ROBO1: variants seen among roughly 807,000 people sequenced by gnomAD.
ROBO1 encodes roundabout homolog 1.
Under a neutral mutation model 195.9 loss-of-function variants are expected in ROBO1, and 149 were observed. The ratio of observed to expected loss-of-function variants is 0.76; its 90% CI spans 0.67 to 0.87. The LOEUF (loss-of-function observed/expected upper bound fraction) is 0.87. Ranked by LOEUF, ROBO1 falls within the 40% of genes least tolerant of loss-of-function variation. The pLI is 0.00. For missense variants in ROBO1, 1,933 were observed against 2,068.3 expected, an observed-to-expected ratio of 0.93 and a Z score of 1.27; for synonymous variants, 816 against 733.2, an observed-to-expected ratio of 1.11 and a Z score of -1.82.
chr3:79,381,793 GTA>G (rs1038124747), intron 2 of ROBO1, among the ~76,000 whole-genome samples: 1 of 151,436 alleles, frequency 6.6e-6, no homozygotes, highest in African/African-American at 2.4e-5. Flanking sequence ...TAATATGTAG[GTA>G]TATATATATA....
chr3:79,552,484 A>G (rs1183576008), intron 2 of ROBO1, among the ~76,000 whole-genome samples: 1 of 152,094 alleles, frequency 6.6e-6, no homozygotes, highest in Non-Finnish European at 1.5e-5. Flanking sequence ...GAAGACTTTC[A>G]TGAAACTGAG....
intron 2 of ROBO1, among the ~76,000 whole-genome samples, chr3:79,367,207 AT>A (rs769443793): frequency 1.1e-4 from 17 of 150,202 alleles, no homozygotes; most frequent in East Asian, 2.0e-4. Context: ...ATAGTATGTT[AT>A]TTTTTTTTTC....
At chr3:79,071,443 C>T (rs1387979864) in intron 3 of ROBO1, among the ~76,000 whole-genome samples, 1 of 151,174 alleles carries the variant, frequency 6.6e-6, no homozygotes, top group African/African-American at 2.4e-5. Context: ...AAGTTATGAC[C>T]CATTCAAGAT....
rs528523925 is a variant in ROBO1 at position 79,045,339 on chromosome 3, T to C, written c.172+80117A>G. On this transcript the variant is annotated intron_variant, in intron 3 of 30. Transcript: ENST00000464233. The stretch of plus-strand genomic sequence containing the variant: ...ATGAACTATACATTAAAGTTTTTCT[T>C]AAAAAAGCTAGTGAAAATAAAGAAG... Among the ~76,000 whole-genome samples, 61 of 152,170 alleles carry C rather than the reference T, an allele frequency of 4.0e-4. No individual in the cohort carries two copies. The South Asian group carries it at 9.9e-3, about 25-fold the overall frequency.
chr3:79,268,495 C>T (rs1389579831), intron 2 of ROBO1, among the ~76,000 whole-genome samples: 2 of 151,596 alleles, frequency 1.3e-5, no homozygotes, highest in East Asian at 3.9e-4. Flanking sequence ...CATCAGCCTC[C>T]CTGATAGACT....
At chr3:78,678,038 C>G (rs921593912) in intron 10 of ROBO1, among the ~76,000 whole-genome samples, 12 of 152,234 alleles carry the variant, frequency 7.9e-5, no homozygotes, top group Admixed American at 2.6e-4. Flanking sequence ...AACCGCTCAA[C>G]TACATGGAAA....
chr3:79,709,690 T>C (rs376579013), intron 1 of ROBO1, among the ~76,000 whole-genome samples: 2 of 150,960 alleles, frequency 1.3e-5, no homozygotes, highest in Admixed American at 6.6e-5. Context: ...ATGCTCTCAA[T>C]GTTTGTGTCC....
chr3:79,259,226 C>A (rs1402131521), intron 2 of ROBO1, among the ~76,000 whole-genome samples: 1 of 152,122 alleles, frequency 6.6e-6, no homozygotes, highest in African/African-American at 2.4e-5. Context: ...TTCACAGCAA[C>A]TTCCGCCTCC....
Position 79,712,712 on chromosome 3 carries a change from A to T in ROBO1, c.-51+55040T>A, listed in dbSNP as rs73849822. Among the ~76,000 whole-genome samples the T allele has an allele frequency of 8.8e-3, 1,332 of 152,210 alleles. 14 individuals are homozygous for T. Among genetic ancestry groups the T allele is most frequent in the African/African-American group, 0.031 (1,281 of 41,536 alleles). On this transcript the variant is annotated intron_variant, in intron 1 of 30. Coordinates refer to ENST00000464233, the MANE Select transcript of ROBO1 (RefSeq NM_002941.4). ...AAAAAAAATGTCATCTAGGACTTTC[A>T]TAGCTAGAGAAGATGAGTCAATAAC...
chr3:79,276,071 G>A (rs1355045225), intron 2 of ROBO1, among the ~76,000 whole-genome samples: 1 of 151,910 alleles, frequency 6.6e-6, no homozygotes, highest in Non-Finnish European at 1.5e-5. Context: ...CAGATTCAAT[G>A]CAATCCCTAT....
At chr3:79,207,023 C>A (rs1300094037) in intron 2 of ROBO1, among the ~76,000 whole-genome samples, 1 of 152,022 alleles carries the variant, frequency 6.6e-6, no homozygotes, top group Admixed American at 6.6e-5. Flanking sequence ...ATGTGAAGTG[C>A]ATTTGCATGA....
At chr3:79,003,570 T>C (rs148069430) in intron 3 of ROBO1, among the ~76,000 whole-genome samples, 23 of 152,230 alleles carry the variant, frequency 1.5e-4, no homozygotes, top group Non-Finnish European at 2.9e-4. Flanking sequence ...GATACTCATA[T>C]TATCTCAATT....
chr3:79,344,816 A>T (rs748359739), intron 2 of ROBO1, among the ~76,000 whole-genome samples: 1 of 152,078 alleles, frequency 6.6e-6, no homozygotes, highest in African/African-American at 2.4e-5. Flanking sequence ...GGAGGGAAGC[A>T]TTTGGACTCT....
chr3:78,932,178 T>G (rs183416033), intron 4 of ROBO1, among the ~76,000 whole-genome samples: 1 of 151,866 alleles, frequency 6.6e-6, no homozygotes, highest in East Asian at 1.9e-4. Context: ...TTAAAAAGAG[T>G]GATCTGATGA....
At chr3:79,498,266 G>A (rs1172126694) in intron 2 of ROBO1, among the ~76,000 whole-genome samples, 3 of 152,048 alleles carry the variant, frequency 2.0e-5, no homozygotes, top group Non-Finnish European at 4.4e-5. Context: ...ACATATTGAT[G>A]TAGATCGATT....
intron 3 of ROBO1, among the ~76,000 whole-genome samples, chr3:79,123,262 A>C (rs1336340186): frequency 6.6e-6 from 1 of 151,988 alleles, no homozygotes; most frequent in Non-Finnish European, 1.5e-5. Flanking sequence ...ATTTTCTCTA[A>C]TATAAAGGTT....
intron 1 of ROBO1, among the ~76,000 whole-genome samples, chr3:79,634,362 A>C (rs1199569512): frequency 1.3e-5 from 2 of 152,136 alleles, no homozygotes; most frequent in Non-Finnish European, 2.9e-5. Flanking sequence ...GATGAGGGGG[A>C]GATGAGACAT....
rs111415860 is a variant in ROBO1, at chr3:79,149,973, T to C, written c.89-24434A>G. Among the ~76,000 whole-genome samples, 328 of 151,870 alleles carry C rather than the reference T, an allele frequency of 2.2e-3. 3 individuals are homozygous for C. The highest frequency in any genetic ancestry group is 7.5e-3 in the African/African-American group (312 of 41,496). On this transcript the variant is annotated intron_variant, in intron 2 of 30. Coordinates refer to ENST00000464233, the MANE Select transcript of ROBO1 (RefSeq NM_002941.4). ...AGGGGAATTTCCTATAGTGAGGACC[T>C]GGTAAAGCTCCTGGAGGTAAAAATC...
intron 2 of ROBO1, among the ~76,000 whole-genome samples, chr3:79,198,509 T>G (rs886583824): frequency 3.3e-5 from 5 of 152,084 alleles, no homozygotes; most frequent in African/African-American, 1.2e-4. Context: ...TAGGATTGTC[T>G]TGGCTATGAG....
Sources: gnomAD v4.1 joint callset for allele counts (sites outside exome capture counted in the v4.1 genomes callset) on GRCh38, gnomAD v4.1.1 for gene constraint, MANE v1.5 for transcripts, NCBI Gene and HGNC (gene_info 2026-07-23, HGNC 2026-07-21) for gene names.